Variants in SNX29 observed in about 807,000 individuals in gnomAD.
SNX29 encodes sorting nexin 29.
Under a neutral mutation model 102.1 loss-of-function variants are expected in SNX29, and 78 were observed. The observed-to-expected ratio is 0.76, with a 90% CI of 0.64 to 0.92. The LOEUF is 0.92. Among genes scored for constraint, SNX29 ranks in the 40% least tolerant of loss-of-function variants. SNX29 has a pLI of 0.00. For missense variants in SNX29, 1,280 were observed against 1,061.7 expected, an observed-to-expected ratio of 1.21 and a Z score of -2.86; for synonymous variants, 580 against 414.5, an observed-to-expected ratio of 1.40 and a Z score of -4.85.
chr16:12,568,243 G>A (rs763277888), intron 20 of SNX29, among the ~76,000 whole-genome samples: 30 of 150,414 alleles, frequency 2.0e-4, no homozygotes, highest in East Asian at 5.9e-4. Flanking sequence ...AGACCGGAAC[G>A]GTGGTACCAT....
At chr16:12,219,144 G>T (rs1305462001) in intron 14 of SNX29, among the ~76,000 whole-genome samples, 3 of 152,156 alleles carry the variant, frequency 2.0e-5, no homozygotes, top group Non-Finnish European at 4.4e-5. Context: ...GGGCCTTTTG[G>T]CAGGAAGGAG....
chr16:11,991,746 G>GTT (rs2055863556), intron 1 of SNX29, among the ~76,000 whole-genome samples: 1 of 144,322 alleles, frequency 6.9e-6, no homozygotes, highest in Non-Finnish European at 1.5e-5. Context: ...TAGAGATGGG[G>GTT]TTTCACACGT....
intron 4 of SNX29, among the ~76,000 whole-genome samples, chr16:12,033,077 G>C (rs2057387377): frequency 6.6e-6 from 1 of 151,868 alleles, no homozygotes; most frequent in Admixed American, 6.6e-5. Flanking sequence ...CTGGTCTCGA[G>C]CTCCTGGCCT....
At chr16:12,029,647 A>G in intron 4 of SNX29, 1 of 451,012 alleles carries the variant, frequency 2.2e-6, no homozygotes, top group Non-Finnish European at 4.4e-6. Context: ...TCTGGAGTGC[A>G]GTGGCATGAT....
intron 13 of SNX29, among the ~76,000 whole-genome samples, chr16:12,173,813 G>C (rs577516000): frequency 6.6e-6 from 1 of 152,296 alleles, no homozygotes; most frequent in African/African-American, 2.4e-5. Flanking sequence ...TAGAGACAGA[G>C]TCTCACTCTG....
intron 18 of SNX29, among the ~76,000 whole-genome samples, chr16:12,439,704 A>G (rs768181437): frequency 6.7e-6 from 1 of 149,746 alleles, no homozygotes; most frequent in Non-Finnish European, 1.5e-5. Context: ...TCAAGATGAG[A>G]TTGGGGTGGG....
At chr16:12,007,383 T>C (rs1053041511) in intron 3 of SNX29, among the ~76,000 whole-genome samples, 19 of 152,144 alleles carry the variant, frequency 1.2e-4, no homozygotes, top group Non-Finnish European at 2.6e-4. Context: ...TGCCCACCTG[T>C]AATCCCAGCT....
At chr16:12,348,841 C>T (rs967448845) in intron 15 of SNX29, among the ~76,000 whole-genome samples, 1 of 152,214 alleles carries the variant, frequency 6.6e-6, no homozygotes, top group African/African-American at 2.4e-5. Flanking sequence ...TAACACCACT[C>T]ACCTCCCAGG....
intron 16 of SNX29, among the ~76,000 whole-genome samples, chr16:12,391,429 G>A (rs1034684769): frequency 1.3e-5 from 2 of 152,194 alleles, no homozygotes; most frequent in African/African-American, 4.8e-5. Flanking sequence ...TTTCTGTACA[G>A]AGAGTAGAAG....
intron 1 of SNX29, among the ~76,000 whole-genome samples, chr16:11,996,055 G>A (rs1421888716): frequency 1.2e-4 from 18 of 147,606 alleles, no homozygotes; most frequent in Admixed American, 1.2e-3. Flanking sequence ...GCAACACTCC[G>A]TCTCAGAAAA....
rs2089861867 is a variant in SNX29 at position 12,516,316 on chromosome 16, C to CA, written c.2179-8381dup. On this transcript the variant is annotated intron_variant, in intron 19 of 20. Coordinates refer to ENST00000566228, the MANE Select transcript of SNX29 (RefSeq NM_032167.5). Reference sequence around the variant, plus strand: ...GCAACATAGTGAGACCCCGTCTCTACAAAAACTTTAAAAATTAGCCAGACG... The same window carrying CA: ...GCAACATAGTGAGACCCCGTCTCTACAAAAAACTTTAAAAATTAGCCAGACG... Among the ~76,000 whole-genome samples the CA allele has an allele frequency of 2.6e-5, 4 of 152,072 alleles. No homozygotes were observed. The South Asian group carries it at 8.3e-4, about 32-fold the overall frequency.
In SNX29 at chr16:12,568,719, A is replaced by C. The variant is rs2079118128; in HGVS notation, c.*90A>C. On this transcript the variant is annotated 3_prime_UTR_variant, in exon 21 of 21. Coordinates refer to ENST00000566228, the MANE Select transcript of SNX29 (RefSeq NM_032167.5). ...CGCTGGCCCCTCACCTCAGCGTGAC[A>C]ACCACGTCCACCTGGTGATCCTGAG... The C allele has an allele frequency of 6.6e-7, 1 of 1,523,026 alleles. No individual in the cohort carries two copies. Among genetic ancestry groups the C allele is most frequent in the East Asian group, 2.3e-5 (1 of 42,726 alleles). 94.3% of individuals were successfully genotyped at this position (1,523,026 alleles called of 1,614,324 possible).
At chr16:12,093,744 C>T (rs966590067) in intron 11 of SNX29, 3 of 152,282 alleles carry the variant, frequency 2.0e-5, no homozygotes, top group Non-Finnish European at 4.4e-5. Context: ...ATCTGGGAAC[C>T]TCATTGGAGG....
At chr16:12,563,447 A>T (rs1035457339) in intron 20 of SNX29, among the ~76,000 whole-genome samples, 2 of 152,246 alleles carry the variant, frequency 1.3e-5, no homozygotes, top group African/African-American at 4.8e-5. Flanking sequence ...TTGCAGGTAA[A>T]TTTAGGAAAC....
intron 20 of SNX29, among the ~76,000 whole-genome samples, chr16:12,553,918 C>G (rs1038006684): frequency 2.6e-4 from 40 of 152,148 alleles, no homozygotes; most frequent in African/African-American, 8.7e-4. Context: ...ATCTCCGCCT[C>G]CTGGGTTCAA....
At chr16:12,107,132 A>G (rs549345777) in intron 11 of SNX29, among the ~76,000 whole-genome samples, 6 of 152,250 alleles carry the variant, frequency 3.9e-5, no homozygotes, top group African/African-American at 1.4e-4. Flanking sequence ...ATCACTTCCT[A>G]TTAACCTCAC....
At chr16:12,349,795 A>G (rs2081943536) in intron 15 of SNX29, among the ~76,000 whole-genome samples, 1 of 151,890 alleles carries the variant, frequency 6.6e-6, no homozygotes, top group African/African-American at 2.4e-5. Flanking sequence ...ATTATTTTTT[A>G]TACTTGTTTT....
At chr16:12,256,154 T>TGGCC (rs1380043031) in intron 14 of SNX29, among the ~76,000 whole-genome samples, 1 of 152,260 alleles carries the variant, frequency 6.6e-6, no homozygotes, top group African/African-American at 2.4e-5. Flanking sequence ...ATACACCTGT[T>TGGCC]GGCCGTTTGG....
rs199771907 is a variant in SNX29, at chr16:12,052,249, C to T, written c.1124+27C>T. The stretch of plus-strand genomic sequence containing the variant: ...TAAGTTTGTGTGTAAGGTGGAGTCT[C>T]ACCGTCCCCCAGGCTGGAGTGCCGT... On this transcript the variant is annotated intron_variant, in intron 8 of 20. Transcript: ENST00000566228. 32 of 1,612,408 alleles carry T rather than the reference C, an allele frequency of 2.0e-5. No individual in the cohort carries two copies. In the Admixed American group the frequency reaches 4.0e-4, roughly 20 times the overall value.
Sources: gnomAD v4.1 joint callset for allele counts (sites outside exome capture counted in the v4.1 genomes callset) on GRCh38, gnomAD v4.1.1 for gene constraint, MANE v1.5 for transcripts, NCBI Gene and HGNC (gene_info 2026-07-23, HGNC 2026-07-21) for gene names.